Variants in ATP2B2 observed in about 807,000 individuals in gnomAD.
ATP2B2 encodes plasma membrane calcium-transporting ATPase 2.
Under a neutral mutation model 120.0 loss-of-function variants are expected in ATP2B2, and 15 were observed. The ratio of observed to expected loss-of-function variants is 0.12; its 90% confidence interval spans 0.08 to 0.19. ATP2B2 has a LOEUF of 0.19. ATP2B2 is among the 10% of genes least tolerant of loss of function. The pLI, the probability that ATP2B2 is intolerant of heterozygous loss-of-function variation, is 1.00. For synonymous variants in ATP2B2, 694 were observed against 700.3 expected, an observed-to-expected ratio of 0.99 and a Z score of 0.14; for missense variants, 1,045 against 1,719.8, an observed-to-expected ratio of 0.61 and a Z score of 6.94.
chr3:10,503,319 G>A (rs999999724), intron 1 of ATP2B2, among the ~76,000 whole-genome samples: 26 of 152,350 alleles, frequency 1.7e-4, no homozygotes, highest in East Asian at 3.9e-4. Flanking sequence ...GGCTCCTGGC[G>A]GTCTGGGCCA....
Position 10,328,639 on chromosome 3 carries a change from A to C in ATP2B2, c.*175T>G, listed in dbSNP as rs1234810514. ...TGAAGTGAAAAAGAGTTCAAACAGCATCGCAGCCAGAGAAAGGGTCTGTGG... is the reference window on the plus strand; with the variant it reads ...TGAAGTGAAAAAGAGTTCAAACAGCCTCGCAGCCAGAGAAAGGGTCTGTGG... On this transcript the variant is annotated 3_prime_UTR_variant, in exon 23 of 23. Coordinates refer to ENST00000360273, the MANE Select transcript of ATP2B2 (RefSeq NM_001001331.4). 3.0e-6 allele frequency: 2 copies of C among 677,748 alleles called. No individual in the cohort carries two copies. Among genetic ancestry groups the C allele is most frequent in the Non-Finnish European group, 4.9e-6 (2 of 409,830 alleles). The allele number at this position is 677,748 out of a possible 1,614,324, so 42.0% of individuals were successfully genotyped here. A position where few individuals can be genotyped will look rare whatever the true frequency, so the allele number is the denominator to read the frequency against.
intron 1 of ATP2B2, among the ~76,000 whole-genome samples, chr3:10,671,871 G>C (rs2125692780): frequency 1.3e-5 from 2 of 152,302 alleles, no homozygotes; most frequent in Non-Finnish European, 2.9e-5. Flanking sequence ...GTACCCCGTA[G>C]GAAAGCACAT....
At chr3:10,603,704 G>C (rs1262117659) in intron 2 of ATP2B2, among the ~76,000 whole-genome samples, 2 of 152,102 alleles carry the variant, frequency 1.3e-5, no homozygotes, top group Admixed American at 6.5e-5. Flanking sequence ...CCCAGATCAC[G>C]GGGGTAGGGC....
intron 2 of ATP2B2, among the ~76,000 whole-genome samples, chr3:10,580,068 C>T (rs1228423238): frequency 6.6e-6 from 1 of 152,128 alleles, no homozygotes; most frequent in Non-Finnish European, 1.5e-5. Context: ...CACTGACAGC[C>T]ACTCTTCCGG....
At chr3:10,654,433 G>A (rs1410556583) in intron 1 of ATP2B2, among the ~76,000 whole-genome samples, 3 of 152,134 alleles carry the variant, frequency 2.0e-5, no homozygotes, top group African/African-American at 4.8e-5. Flanking sequence ...TTTCCAGGCT[G>A]TACAGGCTGA....
chr3:10,482,060 C>A (rs1352392771), intron 1 of ATP2B2, among the ~76,000 whole-genome samples: 1 of 152,174 alleles, frequency 6.6e-6, no homozygotes, highest in Non-Finnish European at 1.5e-5. Flanking sequence ...CAAACCTGGA[C>A]ACGTTAGTCC....
At chr3:10,687,852 C>A (rs1422681787) in intron 1 of ATP2B2, among the ~76,000 whole-genome samples, 1 of 152,090 alleles carries the variant, frequency 6.6e-6, no homozygotes, top group Non-Finnish European at 1.5e-5. Flanking sequence ...CAGAGTGAGA[C>A]TCTGACTCAA....
rs1028850571 is a variant in ATP2B2 at position 10,326,747 on chromosome 3, C to T, written c.*2067G>A. The T allele has an allele frequency of 2.5e-6, 1 of 399,036 alleles. No homozygotes were observed. The highest frequency in any genetic ancestry group is 4.4e-6 in the Non-Finnish European group (1 of 226,064). The allele number at this position is 399,036 out of a possible 1,614,324, so 24.7% of individuals were successfully genotyped here. On this transcript the variant is annotated 3_prime_UTR_variant, in exon 23 of 23. Coordinates refer to ENST00000360273, the MANE Select transcript of ATP2B2 (RefSeq NM_001001331.4). The stretch of plus-strand genomic sequence containing the variant: ...TTCAGGTGATGCGCTCTTGAAGGTC[C>T]TCCTTCCAGGAGGATTTTGCCAGGT...
intron 1 of ATP2B2, among the ~76,000 whole-genome samples, chr3:10,503,450 C>T (rs1273109798): frequency 3.3e-5 from 5 of 152,248 alleles, no homozygotes; most frequent in African/African-American, 4.8e-5. Context: ...CCTGGGAATA[C>T]GGGCTGGCCC....
At chr3:10,412,504 C>T (rs907634281) in intron 2 of ATP2B2, among the ~76,000 whole-genome samples, 6 of 152,180 alleles carry the variant, frequency 3.9e-5, no homozygotes, top group Non-Finnish European at 5.9e-5. Context: ...CACCCCCAGG[C>T]CTTTGCTCCT....
chr3:10,684,857 C>T (rs2071479546), intron 1 of ATP2B2, among the ~76,000 whole-genome samples: 1 of 152,180 alleles, frequency 6.6e-6, no homozygotes, highest in Non-Finnish European at 1.5e-5. Context: ...TTACTCGAGA[C>T]AATGATAAAA....
chr3:10,364,434 G>C (rs1354023817), intron 12 of ATP2B2, among the ~76,000 whole-genome samples: 1 of 152,192 alleles, frequency 6.6e-6, no homozygotes, highest in Non-Finnish European at 1.5e-5. Context: ...AAACAGGCCA[G>C]GTGTGGTGGC....
In ATP2B2 at chr3:10,658,205, AACGCAGCT is replaced by A. The variant is rs537792937; in HGVS notation, c.-459-38252_-459-38245del. ...CAGAGCACCTCTTCTCCTCCAAAGG[AACGCAGCT>A]CCGCACCAGCAATGCAACATAGCTG... On this transcript the variant is annotated intron_variant, in intron 1 of 21. Coordinates refer to the ATP2B2 transcript ENST00000646379. 3.1e-3 allele frequency among the ~76,000 whole-genome samples: 478 copies of A among 152,392 alleles called. 1 individual carries two copies. The highest frequency in any genetic ancestry group is 0.011 in the African/African-American group (457 of 41,590).
chr3:10,667,161 C>G (rs1170562325), intron 1 of ATP2B2, among the ~76,000 whole-genome samples: 1 of 152,200 alleles, frequency 6.6e-6, no homozygotes, highest in Non-Finnish European at 1.5e-5. Flanking sequence ...GTGGTCTCCA[C>G]CAACACCTAC....
intron 1 of ATP2B2, among the ~76,000 whole-genome samples, chr3:10,645,874 C>T (rs1430426442): frequency 6.6e-6 from 1 of 152,204 alleles, no homozygotes; most frequent in Non-Finnish European, 1.5e-5. Flanking sequence ...GGAGGCTCCA[C>T]ACTTCTCCTG....
chr3:10,667,653 A>G (rs1025396958), intron 1 of ATP2B2, among the ~76,000 whole-genome samples: 5 of 151,748 alleles, frequency 3.3e-5, no homozygotes, highest in East Asian at 1.9e-4. Flanking sequence ...GAAGGTAACT[A>G]TTCTACAGAG....
At chr3:10,429,607 T>C (rs1228868829) in intron 2 of ATP2B2, among the ~76,000 whole-genome samples, 1 of 152,182 alleles carries the variant, frequency 6.6e-6, no homozygotes, top group Non-Finnish European at 1.5e-5. Context: ...CTCCATCTCC[T>C]TGGGCCTCCC....
chr3:10,535,183 C>A (rs1469116650), intron 2 of ATP2B2, among the ~76,000 whole-genome samples: 4 of 152,140 alleles, frequency 2.6e-5, no homozygotes, highest in Non-Finnish European at 5.9e-5. Flanking sequence ...GGATTACAGG[C>A]ATGAGCCACC....
intron 13 of ATP2B2, 36 bp downstream of exon 13, chr3:10,359,846 A>C (rs745792677): frequency 6.2e-7 from 1 of 1,613,664 alleles, no homozygotes. Flanking sequence ...GCACCAGGGC[A>C]CAGCCCTCAG....
Sources: allele counts gnomAD v4.1 joint callset (sites outside exome capture counted in the v4.1 genomes callset), GRCh38; gene constraint gnomAD v4.1.1; transcripts MANE v1.5; gene names NCBI Gene and HGNC (gene_info 2026-07-23, HGNC 2026-07-21).